The following RCAN2 variants were observed in gnomAD, a reference collection of about 807,000 sequenced individuals.
RCAN2 encodes the protein regulator of calcineurin 2.
A neutral mutation model predicts 23.6 loss-of-function variants in RCAN2; 9 were observed. The observed-to-expected ratio is 0.38, with a 90% CI of 0.23 to 0.67. RCAN2 has a LOEUF of 0.67. Among genes scored for constraint, RCAN2 ranks in the 30% least tolerant of loss-of-function variants. The pLI, the probability that RCAN2 is intolerant of heterozygous loss-of-function variation, is 0.51. For missense variants in RCAN2, 273 were observed against 302.3 expected, an observed-to-expected ratio of 0.90 and a Z score of 0.72; for synonymous variants, 109 against 115.7, an observed-to-expected ratio of 0.94 and a Z score of 0.37.
chr6:46,297,864 C>G (rs1347350796), intron 2 of RCAN2, among the ~76,000 whole-genome samples: 5 of 152,000 alleles, frequency 3.3e-5, no homozygotes, highest in African/African-American at 4.8e-5. Context: ...CTTTAAGGCC[C>G]AAACGTTTTA....
intron 1 of RCAN2, among the ~76,000 whole-genome samples, chr6:46,464,015 T>C (rs1310898767): frequency 6.6e-6 from 1 of 152,054 alleles, no homozygotes; most frequent in African/African-American, 2.4e-5. Flanking sequence ...TAAATGGAAA[T>C]GATTAATGAA....
At chr6:46,263,773 A>G (rs1767225891) in intron 2 of RCAN2, among the ~76,000 whole-genome samples, 1 of 151,948 alleles carries the variant, frequency 6.6e-6, no homozygotes, top group Non-Finnish European at 1.5e-5. Flanking sequence ...AGAAGAGGAT[A>G]AAAATAATAG....
intron 2 of RCAN2, among the ~76,000 whole-genome samples, chr6:46,403,507 G>A (rs1051120872): frequency 2.5e-4 from 38 of 151,882 alleles, no homozygotes; most frequent in Admixed American, 2.5e-3. Context: ...GGGAGGTGGA[G>A]GTTATAGTGA....
intron 2 of RCAN2, among the ~76,000 whole-genome samples, chr6:46,317,942 G>T (rs922090285): frequency 6.6e-6 from 1 of 152,124 alleles, no homozygotes; most frequent in Non-Finnish European, 1.5e-5. Flanking sequence ...AGATGCCTTG[G>T]GCTATAATGG....
At chr6:46,237,886 A>C (rs955376964) in intron 4 of RCAN2, among the ~76,000 whole-genome samples, 3 of 152,066 alleles carry the variant, frequency 2.0e-5, no homozygotes, top group Non-Finnish European at 4.4e-5. Flanking sequence ...GTCTAAGTGA[A>C]CTCTCAGCTA....
intron 2 of RCAN2, among the ~76,000 whole-genome samples, chr6:46,262,567 G>A (rs1314753852): frequency 7.1e-6 from 1 of 140,450 alleles, no homozygotes; most frequent in African/African-American, 3.0e-5. Flanking sequence ...ACCAGCCTTG[G>A]CAATATAGTG....
intron 2 of RCAN2, among the ~76,000 whole-genome samples, chr6:46,380,222 T>A (rs1765582848): frequency 6.6e-6 from 1 of 152,184 alleles, no homozygotes; most frequent in Non-Finnish European, 1.5e-5. Flanking sequence ...GAAACCCCTA[T>A]AACACAACAC....
At chr6:46,250,685 T>G (rs995566008) in intron 2 of RCAN2, among the ~76,000 whole-genome samples, 3 of 152,208 alleles carry the variant, frequency 2.0e-5, no homozygotes, top group Non-Finnish European at 4.4e-5. Flanking sequence ...ACTGTCAACT[T>G]GATAAAGAAT....
chr6:46,465,685 A>G (rs1768357690), intron 1 of RCAN2, among the ~76,000 whole-genome samples: 3 of 152,062 alleles, frequency 2.0e-5, no homozygotes, highest in Admixed American at 1.3e-4. Context: ...TCCTGCTGGT[A>G]CCTCCCATTG....
At chr6:46,421,072 T>C (rs1173885503) in intron 2 of RCAN2, among the ~76,000 whole-genome samples, 5 of 152,204 alleles carry the variant, frequency 3.3e-5, no homozygotes, top group Admixed American at 2.6e-4. Context: ...GTTGTTTTGA[T>C]AATGAAATGA....
chr6:46,486,884 C>T (rs1177151610), intron 1 of RCAN2, among the ~76,000 whole-genome samples: 1 of 152,176 alleles, frequency 6.6e-6, no homozygotes, highest in Non-Finnish European at 1.5e-5. Flanking sequence ...TGGTCACTCA[C>T]TTTATCATTT....
intron 2 of RCAN2, among the ~76,000 whole-genome samples, chr6:46,329,563 A>G (rs1763896403): frequency 1.3e-5 from 2 of 152,154 alleles, no homozygotes; most frequent in Non-Finnish European, 2.9e-5. Context: ...AAATGAATCT[A>G]AAAAGGCAAG....
At chr6:46,414,758 G>C (rs1358859075) in intron 2 of RCAN2, among the ~76,000 whole-genome samples, 1 of 152,178 alleles carries the variant, frequency 6.6e-6, no homozygotes, top group Non-Finnish European at 1.5e-5. Flanking sequence ...AGGCTTACCA[G>C]CCTCTACAAT....
chr6:46,250,245 A>G (rs1354772139), intron 2 of RCAN2, among the ~76,000 whole-genome samples: 1 of 152,204 alleles, frequency 6.6e-6, no homozygotes, highest in Admixed American at 6.5e-5. Context: ...AAAAGAAAAA[A>G]TATATAGGCA....
chr6:46,405,131 C>T (rs759487014), intron 2 of RCAN2, among the ~76,000 whole-genome samples: 4 of 152,096 alleles, frequency 2.6e-5, no homozygotes, highest in Non-Finnish European at 4.4e-5. Flanking sequence ...GCTCTTAAGG[C>T]GGCGCATCTG....
At chr6:46,357,909 A>C (rs1251920675) in intron 2 of RCAN2, among the ~76,000 whole-genome samples, 1 of 152,232 alleles carries the variant, frequency 6.6e-6, no homozygotes, top group Non-Finnish European at 1.5e-5. Context: ...GAAGAAATTT[A>C]GGTGAAGTCT....
intron 2 of RCAN2, among the ~76,000 whole-genome samples, chr6:46,252,683 A>T (rs749895249): frequency 3.3e-5 from 5 of 152,196 alleles, no homozygotes; most frequent in Non-Finnish European, 7.3e-5. Flanking sequence ...AAGAAGAAAA[A>T]GTTTAATGAG....
chr6:46,235,734 G>A (rs1254053928), intron 4 of RCAN2, among the ~76,000 whole-genome samples: 1 of 151,714 alleles, frequency 6.6e-6, no homozygotes, highest in Non-Finnish European at 1.5e-5. Flanking sequence ...ATTGAACATT[G>A]CTTGTCAAAC....
At chr6:46,255,784 G>C (rs1469098064) in intron 2 of RCAN2, among the ~76,000 whole-genome samples, 2 of 152,120 alleles carry the variant, frequency 1.3e-5, no homozygotes, top group African/African-American at 2.4e-5. Context: ...AGGAAGAAAA[G>C]AGTTCAACTG....
Sources: gnomAD v4.1 joint callset for allele counts (sites outside exome capture counted in the v4.1 genomes callset) on GRCh38, gnomAD v4.1.1 for gene constraint, MANE v1.5 for transcripts, NCBI Gene and HGNC (gene_info 2026-07-23, HGNC 2026-07-21) for gene names.